Variants in VIM observed in about 807,000 individuals in gnomAD.
VIM encodes the protein epididymis secretory sperm binding protein.
In VIM, 18 loss-of-function variants were observed where a neutral mutation model predicts 50.3. The observed-to-expected ratio is 0.36, with a 90% CI of 0.25 to 0.53. The LOEUF is 0.53. VIM is among the 20% of genes least tolerant of loss of function. The pLI is 0.91. For missense variants in VIM, 551 were observed against 614.7 expected (o/e 0.90, Z 1.10); for synonymous variants, 245 against 248.5 (o/e 0.99, Z 0.13).
rs753896793 is a variant in VIM at position 17,229,947 on chromosome 10, C to A, written c.525C>A (p.Arg175=). 3.8e-5 allele frequency: 62 copies of A among 1,612,790 alleles called. No homozygotes were observed. In the East Asian group the frequency reaches 1.4e-3, roughly 35 times the overall value. The change falls in exon 2 of 10, where the codon CGC becomes CGA. Residue 175 remains arginine, a synonymous_variant. Transcript: ENST00000544301. ...TNDKARVEVE[R]DNLAEDIMRL... Reference sequence around the variant, plus strand: ...ACAAAGCCCGCGTCGAGGTGGAGCGCGACAACCTGGCCGAGGACATCATGC... The same window carrying A: ...ACAAAGCCCGCGTCGAGGTGGAGCGAGACAACCTGGCCGAGGACATCATGC...
chr10:17,234,957 T>C (rs1846861656), intron 6 of VIM, 139 bp downstream of exon 6: 1 of 1,362,528 alleles, frequency 7.3e-7, no homozygotes, highest in Non-Finnish European at 1.0e-6. Context: ...CAAGACAGAC[T>C]CAAAAGGGAC....
intron 3 of VIM, 105 bp from the exon 4 acceptor site, chr10:17,233,482 T>A: frequency 8.8e-7 from 1 of 1,140,958 alleles, no homozygotes; most frequent in Non-Finnish European, 1.3e-6. Flanking sequence ...ACGGCTTTTC[T>A]ATAGTAAGGA....
intron 8 of VIM, 108 bp downstream of exon 8, chr10:17,235,997 G>A (rs1846882302): frequency 8.1e-7 from 1 of 1,228,650 alleles, no homozygotes; most frequent in African/African-American, 1.5e-5. Context: ...CCATATAAGA[G>A]AAAACTCTAT....
chr10:17,234,092 A>G (rs1564374296), intron 5 of VIM, 161 bp downstream of exon 5: 1 of 751,246 alleles, frequency 1.3e-6, no homozygotes, highest in African/African-American at 1.8e-5. Context: ...CACCACTCAC[A>G]TCACCTCCTT....
rs1418736132 is a variant in VIM at position 17,236,131 on chromosome 10, G to A, written c.1274-163G>A. 4.0e-6 allele frequency: 3 copies of A among 752,868 alleles called. No individual in the cohort carries two copies. In the African/African-American group the frequency reaches 5.2e-5, roughly 13 times the overall value. 46.6% of individuals were successfully genotyped at this position (752,868 alleles called of 1,614,324 possible). ...TCATCCTGATGCTCAAGAGTGTCAG[G>A]GCCTGGGTTTCCAAACAGAGACTAC... On this transcript the variant is annotated intron_variant, in intron 8 of 9. Transcript: ENST00000544301.
intron 9 of VIM, 56 bp downstream of exon 9, chr10:17,236,435 T>G: frequency 7.2e-7 from 1 of 1,385,610 alleles, no homozygotes; most frequent in Non-Finnish European, 1.0e-6. Context: ...TGATATATTT[T>G]AAAATCAGTG....
chr10:17,237,440 T>A lies in VIM; in HGVS notation c.*169T>A. The A allele has an allele frequency of 3.1e-6, 2 of 641,652 alleles. No homozygotes were observed. The highest frequency in any genetic ancestry group is 1.8e-5 in the African/African-American group (1 of 54,248). 39.7% of individuals were successfully genotyped at this position (641,652 alleles called of 1,614,324 possible). On this transcript the variant is annotated 3_prime_UTR_variant, in exon 10 of 10. Coordinates refer to ENST00000544301, the MANE Select transcript of VIM (RefSeq NM_003380.5). ...TAACAACCGACACTCCTACAAGATT[T>A]AGAAAAAAGTTTACAACATAATCTA...
At chr10:17,233,175 T>A (rs1465374006) in intron 3 of VIM, 1 of 267,908 alleles carries the variant, frequency 3.7e-6, no homozygotes, top group African/African-American at 2.3e-5. Context: ...CTCGAACTCC[T>A]GACCTCAAGT....
chr10:17,230,430 C>G, intron 2 of VIM: 1 of 649,212 alleles, frequency 1.5e-6, no homozygotes, highest in South Asian at 1.7e-5. Flanking sequence ...GCGGGGCTGT[C>G]CTGTAGGTCT....
intron 3 of VIM, among the ~76,000 whole-genome samples, chr10:17,232,962 T>A (rs1056217240): frequency 5.3e-5 from 8 of 152,214 alleles, no homozygotes; most frequent in African/African-American, 1.9e-4. Flanking sequence ...TTACTTTATT[T>A]TTTGAGACAG....
chr10:17,232,010 A>G (rs1277060137), intron 3 of VIM, among the ~76,000 whole-genome samples: 1 of 152,218 alleles, frequency 6.6e-6, no homozygotes, highest in Admixed American at 6.5e-5. Flanking sequence ...GTCCTTGAGC[A>G]TTTTTGATTA....
At chr10:17,235,014 A>G (rs1846862389) in intron 6 of VIM, 155 bp from the exon 7 acceptor site, 4 of 1,156,690 alleles carry the variant, frequency 3.5e-6, no homozygotes, top group Non-Finnish European at 5.0e-6. Context: ...CATTGCTTCT[A>G]ATATGAAGGA....
At position 17,228,505 on chromosome 10, in the gene VIM, C is replaced by T. The variant is rs937645221; in HGVS notation, c.-167C>T. ...CCCTAAACCGCTAGGAGCCCTCAAT[C>T]GGCGGGACAGCAGGGCGCGGTGAGT... On this transcript the variant is annotated 5_prime_UTR_variant, in exon 1 of 10. Transcript: ENST00000544301. 2 of 152,366 alleles carry T rather than the reference C, an allele frequency of 1.3e-5. No individual in the cohort carries two copies. Among genetic ancestry groups the T allele is most frequent in the African/African-American group, 4.8e-5 (2 of 41,582 alleles). 9.4% of individuals were successfully genotyped at this position (152,366 alleles called of 1,614,324 possible).
chr10:17,235,989 A>G lies in VIM; in HGVS notation c.1273+100A>G, dbSNP rs532998717. On this transcript the variant is annotated intron_variant, in intron 8 of 9. Coordinates refer to ENST00000544301, the MANE Select transcript of VIM (RefSeq NM_003380.5). The stretch of plus-strand genomic sequence containing the variant: ...TTTTTAGGATATCTGAAAAAATGCC[A>G]TATAAGAGAAAACTCTATAAAACAT... The G allele has an allele frequency of 2.4e-5, 31 of 1,293,162 alleles. No homozygotes were observed. In the East Asian group the frequency reaches 4.4e-4, roughly 19 times the overall value. The allele number at this position is 1,293,162 out of a possible 1,614,324, so 80.1% of individuals were successfully genotyped here. A position where few individuals can be genotyped will look rare whatever the true frequency, so the allele number is the denominator to read the frequency against.
intron 2 of VIM, 37 bp from the exon 3 acceptor site, chr10:17,230,613 T>A (rs779660014): frequency 6.2e-7 from 1 of 1,613,168 alleles, no homozygotes; most frequent in South Asian, 1.1e-5. Context: ...CCTGGCGGTT[T>A]CCTCGTTCCC....
rs1300093636 is a variant in VIM at position 17,229,389 on chromosome 10, G to A, written c.-34G>A. 6.4e-7 allele frequency: 1 copy of A among 1,568,392 alleles called. No individual in the cohort carries two copies. The highest frequency in any genetic ancestry group is 1.8e-5 in the Admixed American group (1 of 56,386). ...TCTCCGGGAGCCAGTCCGCGCCACC[G>A]CCGCCGCCCAGGCCATCGCCACCCT... On this transcript the variant is annotated 5_prime_UTR_variant, in exon 2 of 10. Transcript: ENST00000544301.
In VIM at chr10:17,229,499, C is replaced by G. The variant is rs1846740611; in HGVS notation, c.77C>G (p.Ser26Cys). The change falls in exon 2 of 10, where the codon TCC (serine) becomes TGC (cysteine). Residue 26 changes from serine (S) to cysteine (C), a missense_variant. Transcript: ENST00000544301. ...GGPGTASRPS[S>C]SRSYVTTSTR... ...CCGGGCACCGCGAGCCGGCCGAGCT[C>G]CAGCCGGAGCTACGTGACTACGTCC... 1 of 1,607,860 alleles carries G rather than the reference C, an allele frequency of 6.2e-7. No individual in the cohort carries two copies. The highest frequency in any genetic ancestry group is 1.1e-5 in the South Asian group (1 of 90,804).
intron 3 of VIM, 166 bp downstream of exon 3, chr10:17,230,876 G>C (rs927634292): frequency 4.5e-6 from 3 of 667,988 alleles, no homozygotes; most frequent in Non-Finnish European, 7.6e-6. Context: ...CTCATGATTA[G>C]AAAAATATTA....
rs1032868502 is a variant in VIM at position 17,228,353 on chromosome 10, C to T, written c.-319C>T. On this transcript the variant is annotated 5_prime_UTR_variant, in exon 1 of 10. Coordinates refer to ENST00000544301, the MANE Select transcript of VIM (RefSeq NM_003380.5). ...GCGAGTTATTAAAAACTTAGGGGCG[C>T]TCTTGTCCCCCACAGGGCCCGACCG... The T allele has an allele frequency of 6.6e-6, 1 of 152,256 alleles. No homozygotes were observed. The highest frequency in any genetic ancestry group is 1.5e-5 in the Non-Finnish European group (1 of 68,062). The allele number at this position is 152,256 out of a possible 1,614,324, so 9.4% of individuals were successfully genotyped here.
Sources: allele counts gnomAD v4.1 joint callset (sites outside exome capture counted in the v4.1 genomes callset), GRCh38; gene constraint gnomAD v4.1.1; transcripts MANE v1.5; gene names NCBI Gene and HGNC (gene_info 2026-07-23, HGNC 2026-07-21).